RBFOX3: variants seen among roughly 807,000 people sequenced by gnomAD.
RBFOX3 encodes the protein RNA binding fox-1 homolog 3.
RBFOX3 carries 17 observed loss-of-function variants against 48.7 expected under a neutral mutation model. That is an observed-to-expected ratio of 0.35 (90% CI 0.24 to 0.52). RBFOX3 has a LOEUF of 0.52. Ranked by LOEUF, RBFOX3 falls within the 20% of genes least tolerant of loss-of-function variation. The probability of loss-of-function intolerance (pLI) is 0.94; values close to 1 mark genes in which losing one functional copy is unlikely to be tolerated. For synonymous variants in RBFOX3, 212 were observed against 209.5 expected, an observed-to-expected ratio of 1.01 and a Z score of -0.10; for missense variants, 382 against 497.5, an observed-to-expected ratio of 0.77 and a Z score of 2.21.
chr17:79,607,728 A>T (rs1207973322), intron 1 of RBFOX3, among the ~76,000 whole-genome samples: 1 of 152,200 alleles, frequency 6.6e-6, no homozygotes, highest in Non-Finnish European at 1.5e-5. Context: ...GCCAGGGCTG[A>T]ATGTGGCTGG....
intron 2 of RBFOX3, among the ~76,000 whole-genome samples, chr17:79,461,758 C>A (rs782387480): frequency 7.2e-5 from 11 of 152,200 alleles, no homozygotes; most frequent in Non-Finnish European, 1.3e-4. Flanking sequence ...GCCTCCAATC[C>A]AATGACTGGC....
chr17:79,309,600 C>T (rs935117819), intron 2 of RBFOX3, among the ~76,000 whole-genome samples: 3 of 152,220 alleles, frequency 2.0e-5, no homozygotes, highest in Non-Finnish European at 4.4e-5. Context: ...CCTGCCGCAT[C>T]TACTCATGGC....
chr17:79,650,947 G>A, the RBFOX3 span, among the ~76,000 whole-genome samples: 2 of 152,094 alleles, frequency 1.3e-5, no homozygotes, highest in Admixed American at 1.3e-4. Context: ...CTTTACCCTC[G>A]GCCTCTCCAA....
rs1469075249 is a variant in RBFOX3, at chr17:79,311,995, A to T, written c.-174-4171T>A. Among the ~76,000 whole-genome samples the T allele has an allele frequency of 6.6e-6, 1 of 152,218 alleles. No homozygotes were observed. The highest frequency in any genetic ancestry group is 1.5e-5 in the Non-Finnish European group (1 of 68,036). On this transcript the variant is annotated intron_variant, in intron 2 of 14. Transcript: ENST00000693108. This position sits in a 1 kb window ranked among gnomAD's most constrained non-coding sequence, Gnocchi z 4.2. ...TCAGAGCTGACATTTCAGGACAGGC[A>T]TCTGCCCTCTCCCTTCTCCTCCCCC...
rs1349231940 is a variant in RBFOX3 at position 79,393,285 on chromosome 17, AC to A, written c.-174-85462del. ...AAGGGAGGCTTGGGGCACCTCTCCT[AC>A]CCACACCCCAACCCCACACTTCCAC... On this transcript the variant is annotated intron_variant, in intron 2 of 14. Coordinates refer to ENST00000693108, the MANE Select transcript of RBFOX3 (RefSeq NM_001350451.2). Among the ~76,000 whole-genome samples, 3 of 152,160 alleles carry A rather than the reference AC, an allele frequency of 2.0e-5. No homozygotes were observed. In the East Asian group the frequency reaches 5.8e-4, roughly 29 times the overall value.
Position 79,474,234 on chromosome 17 carries a change from C to T in RBFOX3, c.-175+8220G>A, listed in dbSNP as rs113505642. On this transcript the variant is annotated intron_variant, in intron 2 of 14. Coordinates refer to ENST00000693108, the MANE Select transcript of RBFOX3 (RefSeq NM_001350451.2). ...TAGGCTCTTGGATGCCGTTGACTCA[C>T]GTCCCTGGTGGCCCTTGATCATTTT... 5.8e-3 allele frequency among the ~76,000 whole-genome samples: 889 copies of T among 152,320 alleles called. 8 individuals carry two copies. Among genetic ancestry groups the T allele is most frequent in the African/African-American group, 0.02 (844 of 41,570 alleles).
chr17:79,377,266 TAC>T (rs2059329905), intron 2 of RBFOX3, among the ~76,000 whole-genome samples: 1 of 151,696 alleles, frequency 6.6e-6, no homozygotes, highest in Admixed American at 6.6e-5. Flanking sequence ...CACAGATGCA[TAC>T]AGACATAATT....
At chr17:79,650,913 T>C in the RBFOX3 span, among the ~76,000 whole-genome samples, 1 of 152,140 alleles carries the variant, frequency 6.6e-6, no homozygotes, top group Non-Finnish European at 1.5e-5. Context: ...GCTCTGCCTC[T>C]CGTGGGGGTG....
intron 1 of RBFOX3, among the ~76,000 whole-genome samples, chr17:79,512,329 G>T (rs1368225390): frequency 3.8e-5 from 2 of 52,752 alleles, no homozygotes; most frequent in South Asian, 7.6e-4. Context: ...ACCCGGATAC[G>T]TGTTACCATC....
chr17:79,558,336 TC>T (rs2091931831), intron 1 of RBFOX3, among the ~76,000 whole-genome samples: 1 of 152,170 alleles, frequency 6.6e-6, no homozygotes, highest in African/African-American at 2.4e-5. Flanking sequence ...AGCCAGGATC[TC>T]CCGCCCTGTG....
intron 2 of RBFOX3, among the ~76,000 whole-genome samples, chr17:79,359,574 T>C (rs2085892844): frequency 6.6e-6 from 1 of 152,044 alleles, no homozygotes; most frequent in African/African-American, 2.4e-5. Flanking sequence ...ATTTGAACAA[T>C]TTAGCAGACA....
At chr17:79,100,624 T>A (rs2076254239) in intron 9 of RBFOX3, among the ~76,000 whole-genome samples, 1 of 152,036 alleles carries the variant, frequency 6.6e-6, no homozygotes, top group East Asian at 1.9e-4. Flanking sequence ...GGTGACACCG[T>A]CTGAAAGTCC....
At chr17:79,596,561 A>G (rs2093574459) in intron 1 of RBFOX3, among the ~76,000 whole-genome samples, 1 of 152,218 alleles carries the variant, frequency 6.6e-6, no homozygotes, top group Non-Finnish European at 1.5e-5. Flanking sequence ...CTAATGAGCC[A>G]CAAAGGCCCC....
At chr17:79,153,047 C>T (rs890051080) in intron 4 of RBFOX3, among the ~76,000 whole-genome samples, 2 of 152,210 alleles carry the variant, frequency 1.3e-5, no homozygotes, top group African/African-American at 4.8e-5. Context: ...GACATCTGCC[C>T]GCTGGGGCTG....
intron 2 of RBFOX3, among the ~76,000 whole-genome samples, chr17:79,373,104 A>C (rs982140932): frequency 6.6e-6 from 1 of 152,152 alleles, no homozygotes; most frequent in Non-Finnish European, 1.5e-5. Context: ...AAGCTTGCAG[A>C]GACAGGGGTG....
At chr17:79,156,808 G>A (rs546204690) in intron 4 of RBFOX3, among the ~76,000 whole-genome samples, 1 of 152,328 alleles carries the variant, frequency 6.6e-6, no homozygotes, top group Non-Finnish European at 1.5e-5. Flanking sequence ...GACAGGGTGA[G>A]CCTGGCTTGC....
chr17:79,389,195 G>C (rs561805522), intron 2 of RBFOX3, among the ~76,000 whole-genome samples: 1 of 152,200 alleles, frequency 6.6e-6, no homozygotes, highest in African/African-American at 2.4e-5. Flanking sequence ...TCTTCCAGGA[G>C]AGCACTAACC....
At chr17:79,506,849 C>G (rs1175222958) in intron 1 of RBFOX3, among the ~76,000 whole-genome samples, 3 of 152,216 alleles carry the variant, frequency 2.0e-5, no homozygotes, top group African/African-American at 7.2e-5. Flanking sequence ...AGCTGGGAAG[C>G]TGGAACCCTT....
chr17:79,095,569 G>A lies in RBFOX3; in HGVS notation c.942C>T (p.Gly314=), dbSNP rs746156238. ...DGFYGAEIYG[G]YAAYRYAQPA... ...GCTGAGCGTATCTGTAGGCTGCGTA[G>A]CCTCCCTGCAGGGTAAGTGGGAGGA... The change falls in exon 13 of 15, where the codon GGC becomes GGT. Residue 314 remains glycine (G), a synonymous_variant. Transcript: ENST00000693108. The A allele has an allele frequency of 3.2e-6, 5 of 1,551,256 alleles. No homozygotes were observed. Among genetic ancestry groups the A allele is most frequent in the South Asian group, 2.4e-5 (2 of 83,988 alleles).
Sources: gnomAD v4.1 joint callset for allele counts (sites outside exome capture counted in the v4.1 genomes callset) on GRCh38, gnomAD v4.1.1 for gene constraint, Gnocchi (gnomAD v3.1) non-coding constraint, MANE v1.5 for transcripts, NCBI Gene and HGNC (gene_info 2026-07-23, HGNC 2026-07-21) for gene names.